The following MACF1 variants were observed in gnomAD, a reference collection of about 807,000 sequenced individuals.
MACF1 encodes the protein microtubule actin crosslinking factor 1.
In MACF1, 193 loss-of-function variants were observed where a neutral mutation model predicts 854.8. The ratio of observed to expected loss-of-function variants is 0.23; its 90% CI spans 0.20 to 0.25. The LOEUF is 0.25. Ranked by LOEUF, MACF1 falls within the 10% of genes least tolerant of loss-of-function variation. MACF1 has a pLI of 1.00. For synonymous variants in MACF1, 3,185 were observed against 3,226.7 expected (o/e 0.99, Z 0.44); for missense variants, 7,722 against 8,929.1 (o/e 0.86, Z 5.45).
chr1:39,190,559 C>T (rs1644243365), intron 2 of MACF1, among the ~76,000 whole-genome samples: 1 of 151,668 alleles, frequency 6.6e-6, no homozygotes, highest in Non-Finnish European at 1.5e-5. Context: ...AGGGTGGTCT[C>T]GAACTCCTGG....
chr1:39,182,166 A>AG (rs1002004712), intron 2 of MACF1, among the ~76,000 whole-genome samples: 2 of 151,662 alleles, frequency 1.3e-5, no homozygotes, highest in African/African-American at 2.4e-5. Context: ...AAAAAAAAAA[A>AG]AGAATTTAAA....
Position 39,333,352 on chromosome 1 carries a change from T to C in MACF1, c.6764T>C (p.Met2255Thr). The change falls in exon 37 of 101, where the codon ATG (methionine) becomes ACG (threonine). Residue 2255 changes from methionine to threonine, a missense_variant. Physicochemically the swap from Met to Thr is moderately conservative, Grantham distance 81. Around this residue, in one of 15 missense-constraint regions of MACF1, gnomAD observed 1,531 missense variants for 1,601.6 expected, o/e 0.96. Coordinates refer to ENST00000564288, the MANE Select transcript of MACF1 (RefSeq NM_001394062.1). ...EAQNIAGGSM[M>T]MSEKTDEEDS... ...CAGAACATCGCAGGTGGTAGTATGA[T>C]GATGTCAGAAAAGACCGATGAGGAA... 1 of 1,614,124 alleles carries C rather than the reference T, an allele frequency of 6.2e-7. No individual in the cohort carries two copies. Among genetic ancestry groups the C allele is most frequent in the Non-Finnish European group, 8.5e-7 (1 of 1,180,022 alleles).
At position 39,287,343 on chromosome 1, in the gene MACF1, C is replaced by T; in HGVS notation, c.1566C>T (p.Tyr522=). ...TGCGTCTAGAGTGTACAAACCTGTA[C>T]CGGAAGGGTCATTTCACTTCACTTG... The part of the protein sequence containing the change: ...VTLRLECTNL[Y]RKGHFTSLEL... The change falls in exon 15 of 101, where the codon TAC becomes TAT. Residue 522 remains tyrosine (Y), a synonymous_variant. Transcript: ENST00000564288. 1.2e-6 allele frequency: 2 copies of T among 1,614,118 alleles called. No homozygotes were observed. Among genetic ancestry groups the T allele is most frequent in the Non-Finnish European group, 1.7e-6 (2 of 1,180,010 alleles).
Position 39,364,630 on chromosome 1 carries a change from C to T in MACF1, c.12771+2953C>T, listed in dbSNP as rs903803441. On this transcript the variant is annotated intron_variant, in intron 49 of 100. Transcript: ENST00000564288. The stretch of plus-strand genomic sequence containing the variant: ...GCCTCAGCCTCCTGAGCAGCTGGGA[C>T]TACAGGTGCCTGCCACCGCGCCTGG... 4.6e-5 allele frequency among the ~76,000 whole-genome samples: 7 copies of T among 152,032 alleles called. No homozygotes were observed. The East Asian group carries it at 1.4e-3, about 29-fold the overall frequency.
intron 97 of MACF1, among the ~76,000 whole-genome samples, chr1:39,470,354 T>G (rs1452276834): frequency 2.0e-5 from 3 of 152,174 alleles, no homozygotes; most frequent in Non-Finnish European, 4.4e-5. Context: ...AGAGGTTCCT[T>G]TTTTAAAAAA....
Position 39,360,806 on chromosome 1 carries a change from C to T in MACF1, c.12258C>T (p.Ser4086=). ...CTGATTTTTCAGATTCCATACTCAG[C>T]CACTTCCAAAGCCTCTCCTATAGCC... ...HVQETTDSIL[S]HFQSLSYSLA... is the part of the protein sequence containing the mutation. Residue 4086 remains serine, a synonymous_variant, in exon 48 of 101, where the codon AGC becomes AGT. Transcript: ENST00000564288. 3.1e-6 allele frequency: 5 copies of T among 1,607,386 alleles called. No individual in the cohort carries two copies. In the East Asian group the frequency reaches 1.1e-4, roughly 36 times the overall value.
At chr1:39,432,899 A>G (rs555249889) in intron 67 of MACF1, 149 bp from the exon 68 acceptor site, 43 of 609,536 alleles carry the variant, frequency 7.1e-5, no homozygotes, top group African/African-American at 6.8e-4. Flanking sequence ...GCTACTAAAA[A>G]GATAAGCTAG....
rs1450792405 is a variant in MACF1, at chr1:39,123,711, TGTTTTG to T, written c.220+39274_220+39279del. Among the ~76,000 whole-genome samples, 35 of 94,736 alleles carry T rather than the reference TGTTTTG, an allele frequency of 3.7e-4. 1 individual carries two copies. Among genetic ancestry groups the T allele is most frequent in the Non-Finnish European group, 5.1e-4 (23 of 45,284 alleles). 62.2% of individuals were successfully genotyped at this position (94,736 alleles called of 152,430 possible). A position where few individuals can be genotyped will look rare whatever the true frequency, so the allele number is the denominator to read the frequency against. ...CGTGCCACCATGCCCGGCTAATTCTTGTTTTGTTTTTTTTTTTTTTTTTTTTGTCCG... is the reference window on the plus strand; with the variant it reads ...CGTGCCACCATGCCCGGCTAATTCTTTTTTTTTTTTTTTTTTTTTTGTCCG... On this transcript the variant is annotated intron_variant, in intron 2 of 93. Coordinates refer to the MACF1 transcript ENST00000361689.
chr1:39,360,960 C>T lies in MACF1; in HGVS notation c.12412C>T (p.Leu4138Phe). ...QNLEGKQVSS[L>F]SSGVIQEALA... ...CCTGGAAGGGAAGCAGGTGTCATCA[C>T]TCTCATCAGGAGTCATCCAGGAAGC... Residue 4138 changes from leucine to phenylalanine, a missense_variant, in exon 48 of 101, where the codon CTC becomes TTC. Leu to Phe is a conservative substitution (Grantham distance 22). This residue lies in a region of MACF1 where 2,807 missense variants were observed against 3,235.8 expected (regional missense o/e 0.87). Transcript: ENST00000564288. 6.2e-7 allele frequency: 1 copy of T among 1,614,104 alleles called. No individual in the cohort carries two copies. Among genetic ancestry groups the T allele is most frequent in the Non-Finnish European group, 8.5e-7 (1 of 1,180,010 alleles).
In MACF1 at chr1:39,388,154, G is replaced by A; in HGVS notation, c.15312G>A (p.Lys5104=). The change falls in exon 58 of 101, where the codon AAG becomes AAA. Residue 5104 remains lysine (K), a synonymous_variant. Coordinates refer to ENST00000564288, the MANE Select transcript of MACF1 (RefSeq NM_001394062.1). Reference sequence around the variant, plus strand: ...CCCAGCAAGAGTTCCTCGAAGTTAAGCAAAGAGTGAACAGTGGTTGTGTGA... The same window carrying A: ...CCCAGCAAGAGTTCCTCGAAGTTAAACAAAGAGTGAACAGTGGTTGTGTGA... ...EVAQQEFLEV[K]QRVNSGCVMM... is the part of the protein sequence containing the mutation. 6.2e-7 allele frequency: 1 copy of A among 1,614,184 alleles called. No individual in the cohort carries two copies. The highest frequency in any genetic ancestry group is 1.1e-5 in the South Asian group (1 of 91,086).
intron 87 of MACF1, among the ~76,000 whole-genome samples, chr1:39,453,112 A>G (rs1228585746): frequency 2.6e-5 from 4 of 152,178 alleles, no homozygotes; most frequent in African/African-American, 9.7e-5. Context: ...CCTCACCTGC[A>G]TACGCCTTTG....
chr1:39,180,891 A>T (rs1035517393), intron 2 of MACF1, among the ~76,000 whole-genome samples: 2 of 151,714 alleles, frequency 1.3e-5, no homozygotes, highest in Non-Finnish European at 2.9e-5. Flanking sequence ...TACAAAAGAC[A>T]CTCTGTTACT....
At chr1:39,351,604 TGAGA>T (rs1343139513) in intron 43 of MACF1, among the ~76,000 whole-genome samples, 2 of 146,486 alleles carry the variant, frequency 1.4e-5, no homozygotes, top group Non-Finnish European at 3.0e-5. Flanking sequence ...TTTTTTTTTT[TGAGA>T]CAGAGTTTTG....
At chr1:39,223,247 G>C (rs902119760) in intron 1 of MACF1, among the ~76,000 whole-genome samples, 1 of 152,150 alleles carries the variant, frequency 6.6e-6, no homozygotes, top group Admixed American at 6.5e-5. Flanking sequence ...AAAGGTAGAG[G>C]GATGAGTGGA....
At position 39,430,208 on chromosome 1, in the gene MACF1, A is replaced by G. The variant is rs1643852567; in HGVS notation, c.17130+140A>G. On this transcript the variant is annotated intron_variant, in intron 65 of 100. Coordinates refer to ENST00000564288, the MANE Select transcript of MACF1 (RefSeq NM_001394062.1). ...TTACTCATGGACAGTAAGATTTGAC[A>G]TAAAGACATATACGTTACACATATG... The G allele has an allele frequency of 5.7e-6, 5 of 883,924 alleles. No homozygotes were observed. The Admixed American group carries it at 8.7e-5, about 15-fold the overall frequency. The allele number at this position is 883,924 out of a possible 1,614,324, so 54.8% of individuals were successfully genotyped here.
chr1:39,472,199 C>CT (rs955423132), intron 97 of MACF1, among the ~76,000 whole-genome samples: 4 of 151,888 alleles, frequency 2.6e-5, no homozygotes, highest in Non-Finnish European at 4.4e-5. Context: ...GGAATCTTCT[C>CT]TTTTTTTTAA....
chr1:39,431,173 C>G (rs1478699688), intron 66 of MACF1, among the ~76,000 whole-genome samples: 1 of 152,138 alleles, frequency 6.6e-6, no homozygotes, highest in Non-Finnish European at 1.5e-5. Flanking sequence ...TAATGCCCTG[C>G]TAAGAAGGCT....
chr1:39,258,498 T>C (rs998160795), intron 6 of MACF1, among the ~76,000 whole-genome samples: 5 of 152,362 alleles, frequency 3.3e-5, no homozygotes, highest in South Asian at 4.1e-4. Flanking sequence ...GGTTTGTATA[T>C]GTGCTGGCAA....
intron 19 of MACF1, 147 bp downstream of exon 19, chr1:39,295,297 T>C (rs1013463472): frequency 1.5e-6 from 1 of 662,250 alleles, no homozygotes; most frequent in Non-Finnish European, 2.6e-6. Context: ...CATTCCTGAC[T>C]GTTCCTATGT....
Sources: gnomAD v4.1 joint callset for allele counts (sites outside exome capture counted in the v4.1 genomes callset) on GRCh38, gnomAD v4.1.1 for gene constraint, gnomAD v4.1.1 regional missense constraint, MANE v1.5 for transcripts, NCBI Gene and HGNC (gene_info 2026-07-23, HGNC 2026-07-21) for gene names.